The following C3orf52 variants were observed in gnomAD, a reference collection of about 807,000 sequenced individuals.
C3orf52 encodes chromosome 3 open reading frame 52.
A neutral mutation model predicts 24.8 loss-of-function variants in C3orf52; 22 were observed. The observed-to-expected ratio is 0.89, with a 90% CI of 0.63 to 1.27. The LOEUF (loss-of-function observed/expected upper bound fraction) is 1.27. Ranked by LOEUF, C3orf52 falls within the 50% of genes most tolerant of loss-of-function variation. The pLI is 0.00. For synonymous variants in C3orf52, 93 were observed against 100.2 expected (o/e 0.93, Z 0.43); for missense variants, 265 against 260.7 (o/e 1.02, Z -0.11).
intron 2 of C3orf52, 74 bp downstream of exon 2, chr3:112,093,563 G>A: frequency 7.2e-7 from 1 of 1,383,156 alleles, no homozygotes; most frequent in South Asian, 1.3e-5. Flanking sequence ...CACTGAAATG[G>A]AAGATGTACT....
intron 2 of C3orf52, among the ~76,000 whole-genome samples, chr3:112,098,011 G>A (rs2073940326): frequency 6.6e-6 from 1 of 152,174 alleles, no homozygotes; most frequent in African/African-American, 2.4e-5. Context: ...GTATAAATGG[G>A]TTAACTCTTC....
In C3orf52 at chr3:112,102,902, C is replaced by T. The variant is rs754119338; in HGVS notation, c.333C>T (p.Ile111=). 70 of 1,607,794 alleles carry T rather than the reference C, an allele frequency of 4.4e-5. No homozygotes were observed. Among genetic ancestry groups the T allele is most frequent in the Non-Finnish European group, 5.5e-5 (65 of 1,176,944 alleles). ...TATCATCAAACAAAACATTCTTCAT[C>T]ATGCTGAAGATTCCAGAGGAGTGTG... is the stretch of plus-strand genomic sequence containing the variant. ...LELSSNKTFF[I]MLKIPEECVA... Residue 111 remains isoleucine (I), a synonymous_variant, in exon 3 of 6, where the codon ATC becomes ATT. Coordinates refer to ENST00000264848, the MANE Select transcript of C3orf52 (RefSeq NM_024616.3).
At chr3:112,105,788 A>C (rs1013137647) in intron 3 of C3orf52, among the ~76,000 whole-genome samples, 1 of 144,198 alleles carries the variant, frequency 6.9e-6, no homozygotes, top group East Asian at 2.0e-4. Context: ...GTGCCACTGC[A>C]CTCCAGCCTG....
At chr3:112,105,544 G>A (rs1206556459) in intron 3 of C3orf52, among the ~76,000 whole-genome samples, 3 of 13,276 alleles carry the variant, frequency 2.3e-4, no homozygotes, top group Non-Finnish European at 1.6e-3. Context: ...TTGGCCGTGT[G>A]TGTGTGTGTG....
downstream of C3orf52, chr3:112,129,432 C>A (rs922679387): frequency 2.0e-5 from 3 of 152,198 alleles, no homozygotes; most frequent in Non-Finnish European, 4.4e-5. Flanking sequence ...TTTATTCTTG[C>A]ATTTCAACAT....
At chr3:112,127,925 T>C in intron 4 of C3orf52, 1 of 1,040,636 alleles carries the variant, frequency 9.6e-7, no homozygotes, top group East Asian at 2.4e-5. Context: ...AGGCTTCCAC[T>C]GTGGCCACAG....
At chr3:112,088,748 C>T (rs535222365) in intron 1 of C3orf52, among the ~76,000 whole-genome samples, 39 of 152,052 alleles carry the variant, frequency 2.6e-4, no homozygotes, top group African/African-American at 8.9e-4. Context: ...TTTATAGTTG[C>T]CTAAGTTATT....
intron 3 of C3orf52, among the ~76,000 whole-genome samples, chr3:112,108,258 C>T (rs980844356): frequency 2.0e-5 from 3 of 152,158 alleles, no homozygotes; most frequent in South Asian, 2.1e-4. Context: ...AGATGTTCAA[C>T]CTCACTAGTA....
At chr3:112,095,088 AC>A (rs1373621138) in intron 2 of C3orf52, among the ~76,000 whole-genome samples, 4 of 152,008 alleles carry the variant, frequency 2.6e-5, no homozygotes, top group Non-Finnish European at 4.4e-5. Context: ...ACATCAGCCA[AC>A]CTCCAGCACA....
At chr3:112,115,167 A>G (rs2074122966) in intron 5 of C3orf52, among the ~76,000 whole-genome samples, 1 of 152,226 alleles carries the variant, frequency 6.6e-6, no homozygotes, top group African/African-American at 2.4e-5. Flanking sequence ...CAGAGCATGA[A>G]TGTGCAATAT....
At chr3:112,120,177 T>C (rs115429424), downstream of C3orf52, among the ~76,000 whole-genome samples, 2,298 of 152,320 alleles carry the variant, frequency 0.015, 64 homozygotes, top group African/African-American at 0.052. Context: ...CACTTCACAG[T>C]TGGCAGAGCC....
intron 2 of C3orf52, among the ~76,000 whole-genome samples, chr3:112,095,166 CTGTT>C (rs1296332712): frequency 3.9e-5 from 6 of 152,134 alleles, no homozygotes; most frequent in African/African-American, 7.2e-5. Context: ...TGTTGGATGA[CTGTT>C]TGAGGATATA....
intron 4 of C3orf52, chr3:112,125,323 C>A: frequency 9.3e-7 from 1 of 1,075,778 alleles, no homozygotes; most frequent in Non-Finnish European, 1.4e-6. Flanking sequence ...GCAGGGGAGG[C>A]TAGAATATAA....
intron 1 of C3orf52, among the ~76,000 whole-genome samples, chr3:112,089,987 G>A (rs539719112): frequency 9.9e-5 from 15 of 152,248 alleles, no homozygotes; most frequent in Admixed American, 6.5e-4. Flanking sequence ...AAATATCTCC[G>A]GAAGGCACCT....
chr3:112,123,205 C>G, downstream of C3orf52: 6 of 612,306 alleles, frequency 9.8e-6, no homozygotes, highest in Non-Finnish European at 1.4e-5. Context: ...CCACTATACT[C>G]TCCAAACCAT....
intron 4 of C3orf52, among the ~76,000 whole-genome samples, chr3:112,110,606 G>T (rs965964386): frequency 6.6e-6 from 1 of 152,034 alleles, no homozygotes; most frequent in Admixed American, 6.5e-5. Context: ...TGAGATGTAG[G>T]CATCAGGGTG....
chr3:112,130,449 A>G (rs748986824), downstream of C3orf52: 13 of 1,613,742 alleles, frequency 8.1e-6, 1 homozygote, highest in South Asian at 7.7e-5. Flanking sequence ...TCTCACCTGG[A>G]TGTTCTCTGT....
At position 112,093,471 on chromosome 3, in the gene C3orf52, G is replaced by A; in HGVS notation, c.250G>A (p.Gly84Ser). 1.2e-6 allele frequency: 2 copies of A among 1,613,374 alleles called. No individual in the cohort carries two copies. Among genetic ancestry groups the A allele is most frequent in the Non-Finnish European group, 1.7e-6 (2 of 1,179,590 alleles). The change falls in exon 2 of 6, where the codon GGC (glycine) becomes AGC (serine). Residue 84 changes from glycine (G) to serine (S), a missense_variant. Coordinates refer to ENST00000264848, the MANE Select transcript of C3orf52 (RefSeq NM_024616.3). ...AGGTGTCATTACAGTGATCATCATA[G>A]GCTTATGTCTTGCTGCAGGTAAGAG... is the stretch of plus-strand genomic sequence containing the variant. ...FLGVITVIII[G>S]LCLAAVTYVD...
At chr3:112,112,696 C>A in intron 4 of C3orf52, 1 of 448,842 alleles carries the variant, frequency 2.2e-6, no homozygotes. Context: ...GGCACCTCTA[C>A]CTCTACCTCT....
Sources: allele counts gnomAD v4.1 joint callset (sites outside exome capture counted in the v4.1 genomes callset), GRCh38; gene constraint gnomAD v4.1.1; transcripts MANE v1.5; gene names NCBI Gene and HGNC (gene_info 2026-07-23, HGNC 2026-07-21).